Variants in ATP1A1 observed in about 807,000 individuals in gnomAD.
The protein encoded by ATP1A1 is sodium/potassium-transporting ATPase subunit alpha-1.
A neutral mutation model predicts 114.8 loss-of-function variants in ATP1A1; 14 were observed. The ratio of observed to expected loss-of-function variants is 0.12; its 90% CI spans 0.08 to 0.19. The LOEUF is 0.19. Ranked by LOEUF, ATP1A1 falls within the 10% of genes least tolerant of loss-of-function variation. The pLI, the probability that ATP1A1 is intolerant of heterozygous loss-of-function variation, is 1.00. For synonymous variants in ATP1A1, 471 were observed against 466.3 expected (o/e 1.01, Z -0.13); for missense variants, 524 against 1,290.7 (o/e 0.41, Z 9.10).
At chr1:116,403,334 G>GC (rs1388027879) in intron 21 of ATP1A1, among the ~76,000 whole-genome samples, 1 of 152,158 alleles carries the variant, frequency 6.6e-6, no homozygotes, top group Non-Finnish European at 1.5e-5. Flanking sequence ...CAGCCTCCAG[G>GC]CCCCTTGGAA....
Position 116,398,044 on chromosome 1 carries a change from C to A in ATP1A1, c.2124+6C>A. 6.2e-7 allele frequency: 1 copy of A among 1,613,524 alleles called. No individual in the cohort carries two copies. The highest frequency in any genetic ancestry group is 2.2e-5 in the East Asian group (1 of 44,884). ...TGGAAGGCTGCCAAAGACAGGTCAG[C>A]CAGCACAAGGATCAGGCTGCTTTGG... On this transcript the variant is annotated splice_donor_region_variant and intron_variant, in intron 15 of 22. Coordinates refer to ENST00000295598, the MANE Select transcript of ATP1A1 (RefSeq NM_000701.8). The surrounding 1 kb of genome is among the most constrained non-coding windows in gnomAD (Gnocchi z 6.1).
rs767837365 is a variant in ATP1A1 at position 116,393,040 on chromosome 1, A to AGG, written c.1467+55_1467+56dup. 26 of 1,604,610 alleles carry AGG rather than the reference A, an allele frequency of 1.6e-5. No individual in the cohort carries two copies. Among genetic ancestry groups the AGG allele is most frequent in the Non-Finnish European group, 2.1e-5 (25 of 1,174,720 alleles). On this transcript the variant is annotated intron_variant, in intron 11 of 22. Coordinates refer to ENST00000295598, the MANE Select transcript of ATP1A1 (RefSeq NM_000701.8). The surrounding 1 kb of genome is among the most constrained non-coding windows in gnomAD (Gnocchi z 5.0). ...GGCGAGGGCAAGCTGGGGGACAAAG[A>AGG]GGGGAGGTACATGAGCAGGAAGAGG...
In ATP1A1 at chr1:116,401,339, A is replaced by G. The variant is rs1051786603; in HGVS notation, c.2849+79A>G. On this transcript the variant is annotated intron_variant, in intron 20 of 22. Transcript: ENST00000295598. The surrounding 1 kb of genome is among the most constrained non-coding windows in gnomAD (Gnocchi z 4.7). The stretch of plus-strand genomic sequence containing the variant: ...TTGTAAACCCTTTGCCAAAAACTAA[A>G]CATATGACACATATAGCCAGGTTTC... 43 of 1,593,702 alleles carry G rather than the reference A, an allele frequency of 2.7e-5. No homozygotes were observed. The highest frequency in any genetic ancestry group is 3.6e-5 in the Non-Finnish European group (42 of 1,165,092).
In ATP1A1 at chr1:116,395,138, A is replaced by G; in HGVS notation, c.1689A>G (p.Glu563=). 2 of 1,613,986 alleles carry G rather than the reference A, an allele frequency of 1.2e-6. No homozygotes were observed. Among genetic ancestry groups the G allele is most frequent in the Non-Finnish European group, 1.7e-6 (2 of 1,179,956 alleles). The change falls in exon 13 of 23, where the codon GAA becomes GAG. Residue 563 remains glutamate (E), a synonymous_variant. Transcript: ENST00000295598. This position sits in a 1 kb window ranked among gnomAD's most constrained non-coding sequence, Gnocchi z 6.4. Reference sequence around the variant, plus strand: ...TCTGCCACCTCTTTCTGCCAGATGAACAGTTTCCTGAAGGGTTCCAGTTTG... The same window carrying G: ...TCTGCCACCTCTTTCTGCCAGATGAGCAGTTTCCTGAAGGGTTCCAGTTTG... ...LGFCHLFLPD[E]QFPEGFQFDT... is the part of the protein sequence containing the mutation.
intron 10 of ATP1A1, among the ~76,000 whole-genome samples, chr1:116,391,736 TGA>T (rs1652484397): frequency 6.6e-6 from 1 of 152,222 alleles, no homozygotes; most frequent in Admixed American, 6.5e-5. Context: ...TTGTGTATCT[TGA>T]GGATAAAACT....
rs924821511 is a variant in ATP1A1 at position 116,390,687 on chromosome 1, C to G, written c.1223-95C>G. The G allele has an allele frequency of 2.8e-5, 29 of 1,038,010 alleles. 1 individual carries two copies. The highest frequency in any genetic ancestry group is 2.0e-4 in the Admixed American group (10 of 50,752). 64.3% of individuals were successfully genotyped at this position (1,038,010 alleles called of 1,614,324 possible). A position where few individuals can be genotyped will look rare whatever the true frequency, so the allele number is the denominator to read the frequency against. Reference sequence around the variant, plus strand: ...ATTAATTGGGAAATGAGATGTATCACTGCAGATTTCTATGGGACTTTAATA... The same window carrying G: ...ATTAATTGGGAAATGAGATGTATCAGTGCAGATTTCTATGGGACTTTAATA... On this transcript the variant is annotated intron_variant, in intron 9 of 22. Transcript: ENST00000295598.
At position 116,398,235 on chromosome 1, in the gene ATP1A1, G is replaced by A. The variant is rs147280556; in HGVS notation, c.2124+197G>A. On this transcript the variant is annotated intron_variant, in intron 15 of 22. Coordinates refer to ENST00000295598, the MANE Select transcript of ATP1A1 (RefSeq NM_000701.8). This position sits in a 1 kb window ranked among gnomAD's most constrained non-coding sequence, Gnocchi z 6.1. ...TTAGCAGTGACAGAAGCACTTTAAA[G>A]TCCAGGTGTCCACTGTGTCCCAGAG... Among the ~76,000 whole-genome samples the A allele has an allele frequency of 0.014, 2,075 of 152,318 alleles. 51 individuals are homozygous for A. The highest frequency in any genetic ancestry group is 0.055 in the Admixed American group (838 of 15,298).
In ATP1A1 at chr1:116,399,653, G is replaced by A; in HGVS notation, c.2572+110G>A. The A allele has an allele frequency of 6.8e-7, 1 of 1,461,502 alleles. No individual in the cohort carries two copies. The highest frequency in any genetic ancestry group is 2.0e-5 in the Admixed American group (1 of 50,506). 90.5% of individuals were successfully genotyped at this position (1,461,502 alleles called of 1,614,324 possible). A position where few individuals can be genotyped will look rare whatever the true frequency, so the allele number is the denominator to read the frequency against. On this transcript the variant is annotated intron_variant, in intron 18 of 22. Transcript: ENST00000295598. This position sits in a 1 kb window ranked among gnomAD's most constrained non-coding sequence, Gnocchi z 5.0. ...AGACTGCAAATCCAGGCGACTTTCA[G>A]GTCTAGGATGAGCCCTAACGGAGTG...
At position 116,381,640 on chromosome 1, in the gene ATP1A1, C is replaced by G. The variant is rs1224713643; in HGVS notation, c.13-2374C>G. Among the ~76,000 whole-genome samples, 1 of 152,118 alleles carries G rather than the reference C, an allele frequency of 6.6e-6. No individual in the cohort carries two copies. Among genetic ancestry groups the G allele is most frequent in the Non-Finnish European group, 1.5e-5 (1 of 68,032 alleles). On this transcript the variant is annotated intron_variant, in intron 1 of 22. Coordinates refer to ENST00000295598, the MANE Select transcript of ATP1A1 (RefSeq NM_000701.8). The surrounding 1 kb of genome is among the most constrained non-coding windows in gnomAD (Gnocchi z 5.1). ...TCTAAATTCCCAACTAACTTTAGCA[C>G]TGATAGTGGTGAAGCTATGGGCAAG...
rs1652956785 is a variant in ATP1A1, at chr1:116,396,657, C to T, written c.1896C>T (p.Gly632=). The T allele has an allele frequency of 2.5e-6, 4 of 1,613,108 alleles. No homozygotes were observed. Among genetic ancestry groups the T allele is most frequent in the African/African-American group, 1.3e-5 (1 of 74,830 alleles). ...CTAAAGCTATTGCCAAAGGTGTGGGCATCATCTCAGAAGGCAATGAGACCG... is the reference window on the plus strand; with the variant it reads ...CTAAAGCTATTGCCAAAGGTGTGGGTATCATCTCAGAAGGCAATGAGACCG... ...ITAKAIAKGV[G]IISEGNETVE... Residue 632 remains glycine, a synonymous_variant, in exon 14 of 23, where the codon GGC becomes GGT. Transcript: ENST00000295598.
At position 116,399,645 on chromosome 1, in the gene ATP1A1, G is replaced by T; in HGVS notation, c.2572+102G>T. The T allele has an allele frequency of 6.6e-7, 1 of 1,511,264 alleles. No individual in the cohort carries two copies. The highest frequency in any genetic ancestry group is 1.3e-5 in the South Asian group (1 of 78,780). 93.6% of individuals were successfully genotyped at this position (1,511,264 alleles called of 1,614,324 possible). On this transcript the variant is annotated intron_variant, in intron 18 of 22. Coordinates refer to ENST00000295598, the MANE Select transcript of ATP1A1 (RefSeq NM_000701.8). The surrounding 1 kb of genome is among the most constrained non-coding windows in gnomAD (Gnocchi z 5.0). ...GATTTCAGAGACTGCAAATCCAGGC[G>T]ACTTTCAGGTCTAGGATGAGCCCTA...
rs766790730 is a variant in ATP1A1 at position 116,388,157 on chromosome 1, C to T, written c.414C>T (p.Ala138=). 8.1e-6 allele frequency: 13 copies of T among 1,613,766 alleles called. No individual in the cohort carries two copies. Among genetic ancestry groups the T allele is most frequent in the South Asian group, 4.4e-5 (4 of 91,062 alleles). The change falls in exon 5 of 23, where the codon GCC becomes GCT. Residue 138 remains alanine, a synonymous_variant. Coordinates refer to ENST00000295598, the MANE Select transcript of ATP1A1 (RefSeq NM_000701.8). The surrounding 1 kb of genome is among the most constrained non-coding windows in gnomAD (Gnocchi z 5.6). Reference sequence around the variant, plus strand: ...TGTACCTGGGTGTGGTGCTATCAGCCGTTGTAATCATAACTGGTTGCTTCT... The same window carrying T: ...TGTACCTGGGTGTGGTGCTATCAGCTGTTGTAATCATAACTGGTTGCTTCT... ...DNLYLGVVLS[A]VVIITGCFSY... is the part of the protein sequence containing the mutation.
chr1:116,397,844 T>C lies in ATP1A1; in HGVS notation c.1974-44T>C. 1 of 1,590,506 alleles carries C rather than the reference T, an allele frequency of 6.3e-7. No homozygotes were observed. Among genetic ancestry groups the C allele is most frequent in the Non-Finnish European group, 8.5e-7 (1 of 1,170,972 alleles). ...TCTTGAGGTGATGGACACATGCTGG[T>C]GATGTGATGCGTGACTTTTTTTTTT... is the stretch of plus-strand genomic sequence containing the variant. On this transcript the variant is annotated intron_variant, in intron 14 of 22. Coordinates refer to ENST00000295598, the MANE Select transcript of ATP1A1 (RefSeq NM_000701.8). The surrounding 1 kb of genome is among the most constrained non-coding windows in gnomAD (Gnocchi z 4.2).
chr1:116,374,208 GGT>G (rs1304427292), intron 1 of ATP1A1: 16 of 1,551,270 alleles, frequency 1.0e-5, no homozygotes, highest in Middle Eastern at 1.8e-4. Flanking sequence ...TGCCAGAAAG[GGT>G]GTGTCTTCAC....
chr1:116,398,562 CTA>C lies in ATP1A1; in HGVS notation c.2125-57_2125-56del. The C allele has an allele frequency of 6.4e-7, 1 of 1,573,636 alleles. No individual in the cohort carries two copies. Among genetic ancestry groups the C allele is most frequent in the South Asian group, 1.2e-5 (1 of 84,234 alleles). ...GTGCTCAGTGGGGGCATGCATCGCA[CTA>C]TTTCCATCGCTAGGAAAAGTGATTG... is the stretch of plus-strand genomic sequence containing the variant. On this transcript the variant is annotated intron_variant, in intron 15 of 22. Coordinates refer to ENST00000295598, the MANE Select transcript of ATP1A1 (RefSeq NM_000701.8). The surrounding 1 kb of genome is among the most constrained non-coding windows in gnomAD (Gnocchi z 6.1).
chr1:116,395,081 A>G lies in ATP1A1; in HGVS notation c.1661-29A>G, dbSNP rs1402419749. ...CTTCTTACTGCCCAGCGTCACTGAA[A>G]TTTTCAAAGGCTCCTGTCCTCCTCG... On this transcript the variant is annotated intron_variant, in intron 12 of 22. Transcript: ENST00000295598. The surrounding 1 kb of genome is among the most constrained non-coding windows in gnomAD (Gnocchi z 6.4). The G allele has an allele frequency of 1.2e-6, 2 of 1,605,950 alleles. No homozygotes were observed. The highest frequency in any genetic ancestry group is 1.7e-5 in the Admixed American group (1 of 59,392).
chr1:116,376,259 G>GA (rs1651359147), intron 1 of ATP1A1, among the ~76,000 whole-genome samples: 1 of 152,118 alleles, frequency 6.6e-6, no homozygotes, highest in Non-Finnish European at 1.5e-5. Flanking sequence ...GAAGGGCAGG[G>GA]AAAAAAGGTT....
rs780909313 is a variant in ATP1A1, at chr1:116,388,271, T to C, written c.501+27T>C. 3 of 1,539,788 alleles carry C rather than the reference T, an allele frequency of 1.9e-6. No individual in the cohort carries two copies. Among genetic ancestry groups the C allele is most frequent in the Non-Finnish European group, 2.7e-6 (3 of 1,112,828 alleles). The stretch of plus-strand genomic sequence containing the variant: ...TACCAGACGCTTTGTCCTTCCCCAG[T>C]GGATGACTTGACAGCCCCAAGCATG... On this transcript the variant is annotated intron_variant, in intron 5 of 22. Coordinates refer to ENST00000295598, the MANE Select transcript of ATP1A1 (RefSeq NM_000701.8). The surrounding 1 kb of genome is among the most constrained non-coding windows in gnomAD (Gnocchi z 5.6).
At position 116,395,654 on chromosome 1, in the gene ATP1A1, C is replaced by T. The variant is rs932099487; in HGVS notation, c.1836+369C>T. Among the ~76,000 whole-genome samples, 1 of 152,094 alleles carries T rather than the reference C, an allele frequency of 6.6e-6. No homozygotes were observed. The highest frequency in any genetic ancestry group is 1.5e-5 in the Non-Finnish European group (1 of 68,018). On this transcript the variant is annotated intron_variant, in intron 13 of 22. Coordinates refer to ENST00000295598, the MANE Select transcript of ATP1A1 (RefSeq NM_000701.8). This position sits in a 1 kb window ranked among gnomAD's most constrained non-coding sequence, Gnocchi z 6.4. Reference sequence around the variant, plus strand: ...TGTTTGTTAATGAGTGTTTGGTGTCCTCTGTGTATCTGTCTTTTTTTAAGT... The same window carrying T: ...TGTTTGTTAATGAGTGTTTGGTGTCTTCTGTGTATCTGTCTTTTTTTAAGT...
Sources: gnomAD v4.1 joint callset for allele counts (sites outside exome capture counted in the v4.1 genomes callset) on GRCh38, gnomAD v4.1.1 for gene constraint, Gnocchi (gnomAD v3.1) non-coding constraint, MANE v1.5 for transcripts, NCBI Gene and HGNC (gene_info 2026-07-23, HGNC 2026-07-21) for gene names.